CACNA1B: variants seen among roughly 807,000 people sequenced by gnomAD.
CACNA1B encodes the protein calcium voltage-gated channel subunit alpha1 B, also known as voltage-dependent N-type calcium channel subunit alpha-1B.
CACNA1B carries 70 observed loss-of-function variants against 247.2 expected under a neutral mutation model. The observed-to-expected ratio is 0.28, with a 90% CI of 0.23 to 0.35. The LOEUF (loss-of-function observed/expected upper bound fraction) is 0.35, where lower values mean the gene tolerates loss of function less well. Among genes scored for constraint, CACNA1B ranks in the 10% least tolerant of loss-of-function variants. The pLI is 1.00. For missense variants in CACNA1B, 2,367 were observed against 3,197.4 expected (o/e 0.74, Z 6.26); for synonymous variants, 1,231 against 1,294.4 (o/e 0.95, Z 1.05).
intron 20 of CACNA1B, among the ~76,000 whole-genome samples, chr9:138,027,167 G>T (rs1958931416): frequency 6.6e-6 from 1 of 152,114 alleles, no homozygotes; most frequent in South Asian, 2.1e-4. Context: ...TTGGATACAA[G>T]TCTTTCATCA....
chr9:137,916,482 G>C (rs1052292806), intron 5 of CACNA1B, among the ~76,000 whole-genome samples: 1 of 152,184 alleles, frequency 6.6e-6, no homozygotes, highest in South Asian at 2.1e-4. Flanking sequence ...CTGGCTGCCT[G>C]CTCGGTTTCA....
intron 20 of CACNA1B, among the ~76,000 whole-genome samples, chr9:138,036,151 T>C (rs1239114229): frequency 6.6e-6 from 1 of 152,146 alleles, no homozygotes; most frequent in East Asian, 1.9e-4. Flanking sequence ...TTTTTTTTTT[T>C]GTTTTTGAGA....
At chr9:137,915,267 G>A (rs1006963124) in intron 5 of CACNA1B, among the ~76,000 whole-genome samples, 2 of 152,190 alleles carry the variant, frequency 1.3e-5, no homozygotes, top group Non-Finnish European at 2.9e-5. Context: ...TGAGAGAAAC[G>A]GGAAGACAGT....
At chr9:138,099,729 G>A (rs537332777) in intron 37 of CACNA1B, among the ~76,000 whole-genome samples, 1 of 152,258 alleles carries the variant, frequency 6.6e-6, no homozygotes, top group Admixed American at 6.5e-5. Context: ...TGGTGTACAC[G>A]TGCCTGTGGT....
At chr9:137,960,597 A>G (rs1958009763) in intron 10 of CACNA1B, among the ~76,000 whole-genome samples, 1 of 151,940 alleles carries the variant, frequency 6.6e-6, no homozygotes, top group African/African-American at 2.4e-5. Flanking sequence ...AGGACATTCC[A>G]GGCAACGAGT....
intron 3 of CACNA1B, among the ~76,000 whole-genome samples, chr9:137,902,794 G>A (rs529623910): frequency 2.6e-5 from 4 of 152,290 alleles, no homozygotes; most frequent in Admixed American, 2.6e-4. Flanking sequence ...AGGCCACCTG[G>A]TGCAGCTGTG....
intron 6 of CACNA1B, among the ~76,000 whole-genome samples, chr9:137,918,131 C>G (rs77514218): frequency 0.037 from 5,703 of 152,258 alleles, 113 homozygotes; most frequent in South Asian, 0.071. Flanking sequence ...TCTCCTCGCT[C>G]TCATCAGGAT....
intron 8 of CACNA1B, among the ~76,000 whole-genome samples, chr9:137,956,418 G>C (rs985475208): frequency 6.6e-5 from 10 of 152,228 alleles, no homozygotes; most frequent in African/African-American, 2.4e-4. Context: ...AGCACTTTGG[G>C]AGGCCGAGGT....
rs1956935026 is a variant in CACNA1B, at chr9:137,882,364, A to G, written c.391-380A>G. On this transcript the variant is annotated intron_variant, in intron 2 of 46. Coordinates refer to ENST00000371372, the MANE Select transcript of CACNA1B (RefSeq NM_000718.4). This position sits in a 1 kb window ranked among gnomAD's most constrained non-coding sequence, Gnocchi z 4.0. ...AAAAACTACCTGATAAGCACCCACA[A>G]CTAGTACTGTTACATCACTGTCTTC... is the stretch of plus-strand genomic sequence containing the variant. Among the ~76,000 whole-genome samples, 1 of 152,174 alleles carries G rather than the reference A, an allele frequency of 6.6e-6. No individual in the cohort carries two copies. The highest frequency in any genetic ancestry group is 2.4e-5 in the African/African-American group (1 of 41,442).
At chr9:138,088,959 CAAA>C (rs56112600) in intron 36 of CACNA1B, among the ~76,000 whole-genome samples, 14 of 61,406 alleles carry the variant, frequency 2.3e-4, no homozygotes, top group Admixed American at 6.0e-4. Flanking sequence ...AACTCCGTCT[CAAA>C]AAAAAAAAAA....
rs140911471 is a variant in CACNA1B, at chr9:137,991,407, A to T, written c.1974+4553A>T. ...AAGAATTTCAAAAAATGAAGCCTCCAAGAAGTATGGGACTAAGTTAAGTGT... is the reference window on the plus strand; with the variant it reads ...AAGAATTTCAAAAAATGAAGCCTCCTAGAAGTATGGGACTAAGTTAAGTGT... On this transcript the variant is annotated intron_variant, in intron 15 of 46. Coordinates refer to ENST00000371372, the MANE Select transcript of CACNA1B (RefSeq NM_000718.4). Among the ~76,000 whole-genome samples the T allele has an allele frequency of 3.8e-3, 574 of 152,374 alleles. 1 individual carries two copies. The highest frequency in any genetic ancestry group is 6.2e-3 in the Non-Finnish European group (424 of 68,032).
chr9:137,968,538 G>A (rs918458311), intron 10 of CACNA1B, among the ~76,000 whole-genome samples: 9 of 152,238 alleles, frequency 5.9e-5, no homozygotes, highest in Admixed American at 2.6e-4. Flanking sequence ...TCGTGCTTTA[G>A]CCTCACGTCA....
At chr9:137,911,013 T>C (rs1337369181) in intron 3 of CACNA1B, among the ~76,000 whole-genome samples, 1 of 152,248 alleles carries the variant, frequency 6.6e-6, no homozygotes, top group African/African-American at 2.4e-5. Context: ...TTTCTAGTCT[T>C]AGCTCTTATA....
At chr9:138,049,649 G>C (rs928477832) in intron 24 of CACNA1B, among the ~76,000 whole-genome samples, 3 of 152,182 alleles carry the variant, frequency 2.0e-5, no homozygotes, top group African/African-American at 7.2e-5. Context: ...ACAGCCTCTG[G>C]TGTGTCCAGC....
chr9:138,118,434 C>T lies in CACNA1B; in HGVS notation c.5914-218C>T, dbSNP rs577460552. On this transcript the variant is annotated intron_variant, in intron 43 of 46. Transcript: ENST00000371372. ...GACTTGGGTGGGGGATGTGTGAGAC[C>T]AGGGTGGGGGACGTGTGAGACTGGG... is the stretch of plus-strand genomic sequence containing the variant. Among the ~76,000 whole-genome samples the T allele has an allele frequency of 4.7e-3, 193 of 41,144 alleles. 1 individual carries two copies. The highest frequency in any genetic ancestry group is 0.018 in the African/African-American group (184 of 10,002). The allele number at this position is 41,144 out of a possible 152,430, so 27.0% of individuals were successfully genotyped here.
In CACNA1B at chr9:138,120,359, C is replaced by T. The variant is rs1365965592; in HGVS notation, c.6225C>T (p.Ala2075=). ...TGGAGAAGGGGCCCAGCCTGTCTGC[C>T]GATATGGATGGCGGTGCGTGCGGAG... ...RSLEKGPSLS[A]DMDGAPSSAV... The change falls in exon 45 of 47, where the codon GCC becomes GCT. Residue 2075 remains alanine (A), a synonymous_variant. Coordinates refer to ENST00000371372, the MANE Select transcript of CACNA1B (RefSeq NM_000718.4). The T allele has an allele frequency of 1.9e-6, 3 of 1,554,796 alleles. No individual in the cohort carries two copies. The highest frequency in any genetic ancestry group is 1.9e-5 in the Admixed American group (1 of 53,142).
At chr9:138,105,445 C>G (rs1238139067) in intron 38 of CACNA1B, among the ~76,000 whole-genome samples, 1 of 152,222 alleles carries the variant, frequency 6.6e-6, no homozygotes, top group African/African-American at 2.4e-5. Context: ...GGGATCAAGG[C>G]TCCAGTCTTT....
chr9:138,000,248 G>T (rs866014189), intron 15 of CACNA1B, among the ~76,000 whole-genome samples: 30 of 152,012 alleles, frequency 2.0e-4, no homozygotes, highest in Non-Finnish European at 2.9e-4. Context: ...ACAGGCGCCC[G>T]CCACTACGCC....
chr9:137,906,832 C>T (rs1009345509), intron 3 of CACNA1B, among the ~76,000 whole-genome samples: 2 of 152,226 alleles, frequency 1.3e-5, no homozygotes, highest in Non-Finnish European at 2.9e-5. Context: ...TGTTCCCCTG[C>T]ATGCCTGTGT....
Sources: allele counts gnomAD v4.1 joint callset (sites outside exome capture counted in the v4.1 genomes callset), GRCh38; gene constraint gnomAD v4.1.1; non-coding constraint Gnocchi (gnomAD v3.1); transcripts MANE v1.5; gene names NCBI Gene and HGNC (gene_info 2026-07-23, HGNC 2026-07-21).